Variants in ATP6V1C2 observed in about 807,000 individuals in gnomAD.
ATP6V1C2 encodes the protein ATPase H+ transporting V1 subunit C2, also known as V-type proton ATPase subunit C 2.
In ATP6V1C2, 45 loss-of-function variants were observed where a neutral mutation model predicts 56.8. The observed-to-expected ratio is 0.79, with a 90% CI of 0.62 to 1.02. The LOEUF (loss-of-function observed/expected upper bound fraction) is 1.02, where lower values mean the gene tolerates loss of function less well. ATP6V1C2 is among the 50% of genes least tolerant of loss of function. The probability of loss-of-function intolerance (pLI) is 0.00; values close to 1 mark genes in which losing one functional copy is unlikely to be tolerated. For missense variants in ATP6V1C2, 463 were observed against 519.7 expected (o/e 0.89, Z 1.06); for synonymous variants, 220 against 201.3 (o/e 1.09, Z -0.79).
intron 3 of ATP6V1C2, among the ~76,000 whole-genome samples, chr2:10,743,128 G>GT (rs1164784614): frequency 1.3e-5 from 2 of 152,124 alleles, no homozygotes; most frequent in East Asian, 3.9e-4. Flanking sequence ...TTGACTTTTT[G>GT]TTTTTTGAAA....
chr2:10,751,988 G>A (rs1181703884), intron 3 of ATP6V1C2, among the ~76,000 whole-genome samples: 1 of 151,910 alleles, frequency 6.6e-6, no homozygotes, highest in Non-Finnish European at 1.5e-5. Flanking sequence ...GAGTCTGGGA[G>A]GTCAAGGCTG....
intron 5 of ATP6V1C2, among the ~76,000 whole-genome samples, chr2:10,764,973 C>T (rs916656481): frequency 1.6e-5 from 2 of 124,820 alleles, no homozygotes; most frequent in East Asian, 3.2e-4. Context: ...TCCGTCCCCC[C>T]ACCAAAAAAA....
intron 3 of ATP6V1C2, among the ~76,000 whole-genome samples, chr2:10,745,795 T>A (rs1161566952): frequency 6.6e-6 from 1 of 152,208 alleles, no homozygotes; most frequent in Non-Finnish European, 1.5e-5. Context: ...CCCCAGGCCC[T>A]GGCAACTACC....
At chr2:10,768,951 C>CCAAGAGGCT in intron 6 of ATP6V1C2, 141 bp downstream of exon 6, 1 of 684,606 alleles carries the variant, frequency 1.5e-6, no homozygotes, top group Non-Finnish European at 2.5e-6. Flanking sequence ...GGCACTCTCA[C>CCAAGAGGCT]CTCTCCAAGA....
At chr2:10,777,835 AG>A in intron 11 of ATP6V1C2, 113 bp downstream of exon 11, 1 of 1,356,462 alleles carries the variant, frequency 7.4e-7, no homozygotes, top group East Asian at 2.4e-5. Context: ...ATGGCTTTTG[AG>A]GTCTTAAATT....
At position 10,763,615 on chromosome 2, in the gene ATP6V1C2, C is replaced by T. The variant is rs1664051731; in HGVS notation, c.284-716C>T. Among the ~76,000 whole-genome samples the T allele has an allele frequency of 6.6e-6, 1 of 152,168 alleles. No homozygotes were observed. Among genetic ancestry groups the T allele is most frequent in the Non-Finnish European group, 1.5e-5 (1 of 68,026 alleles). On this transcript the variant is annotated intron_variant, in intron 4 of 13. Transcript: ENST00000272238. This position sits in a 1 kb window ranked among gnomAD's most constrained non-coding sequence, Gnocchi z 4.2. ...CCAGGGGCACAGGAATTCCAGGGGCCACCGTGGCGCTGCAGCTTCCAGGGA... is the reference window on the plus strand; with the variant it reads ...CCAGGGGCACAGGAATTCCAGGGGCTACCGTGGCGCTGCAGCTTCCAGGGA...
chr2:10,781,200 C>A (rs898140257), intron 12 of ATP6V1C2, among the ~76,000 whole-genome samples: 5 of 152,120 alleles, frequency 3.3e-5, no homozygotes, highest in African/African-American at 1.2e-4. Flanking sequence ...CCCACCACAG[C>A]GAGCACAACA....
chr2:10,778,442 ACT>A (rs1285072787), intron 11 of ATP6V1C2, 128 bp from the exon 12 acceptor site: 22 of 807,038 alleles, frequency 2.7e-5, no homozygotes, highest in East Asian at 5.3e-5. Flanking sequence ...GGTCTGACCG[ACT>A]CTCTGCTTCT....
At chr2:10,744,804 G>A (rs1268743634) in intron 3 of ATP6V1C2, among the ~76,000 whole-genome samples, 1 of 150,628 alleles carries the variant, frequency 6.6e-6, no homozygotes, top group African/African-American at 2.4e-5. Flanking sequence ...GAGTAGCTGG[G>A]ACTACAGGCG....
intron 3 of ATP6V1C2, among the ~76,000 whole-genome samples, chr2:10,752,859 CGTG>C: frequency 6.6e-6 from 1 of 151,912 alleles, no homozygotes; most frequent in Non-Finnish European, 1.5e-5. Flanking sequence ...AGCTGGGTGT[CGTG>C]GTGGGCCTCT....
intron 4 of ATP6V1C2, among the ~76,000 whole-genome samples, chr2:10,758,858 G>C (rs780070967): frequency 6.6e-6 from 1 of 152,080 alleles, no homozygotes; most frequent in Admixed American, 6.6e-5. Flanking sequence ...CAGTAGAGAC[G>C]GGGTTTCACC....
intron 1 of ATP6V1C2, among the ~76,000 whole-genome samples, chr2:10,722,103 G>C (rs1406514221): frequency 3.3e-5 from 5 of 152,150 alleles, no homozygotes; most frequent in Admixed American, 2.0e-4. Flanking sequence ...GGAGGCAAGC[G>C]GAAAGGGGGA....
At chr2:10,770,819 A>G (rs778118799) in intron 6 of ATP6V1C2, among the ~76,000 whole-genome samples, 4 of 152,238 alleles carry the variant, frequency 2.6e-5, no homozygotes, top group Non-Finnish European at 4.4e-5. Flanking sequence ...TACACAAACC[A>G]AGTATGCACT....
At chr2:10,746,563 C>G (rs1213427261) in intron 3 of ATP6V1C2, among the ~76,000 whole-genome samples, 1 of 152,044 alleles carries the variant, frequency 6.6e-6, no homozygotes, top group African/African-American at 2.4e-5. Context: ...CAGGCGCCCA[C>G]CAGCACGCCA....
intron 4 of ATP6V1C2, among the ~76,000 whole-genome samples, chr2:10,760,223 G>A (rs899498995): frequency 3.9e-5 from 6 of 151,994 alleles, no homozygotes; most frequent in Non-Finnish European, 8.8e-5. Flanking sequence ...TACAAAAAAT[G>A]GCTGGGTGTG....
Position 10,783,239 on chromosome 2 carries a change from T to C in ATP6V1C2, c.1260T>C (p.His420=), listed in dbSNP as rs747671051. 27 of 1,613,406 alleles carry C rather than the reference T, an allele frequency of 1.7e-5. No homozygotes were observed. In the South Asian group the frequency reaches 2.6e-4, roughly 16 times the overall value. ...NQDYFPYVYF[H]IDLSLLD ...ACTATTTTCCTTATGTCTACTTCCATATTGACCTTAGTCTTCTTGACTAGA... is the reference window on the plus strand; with the variant it reads ...ACTATTTTCCTTATGTCTACTTCCACATTGACCTTAGTCTTCTTGACTAGA... Residue 420 remains histidine (H), a synonymous_variant, in exon 14 of 14, where the codon CAT becomes CAC. Transcript: ENST00000272238.
At chr2:10,726,118 T>G (rs1472862333) in intron 2 of ATP6V1C2, among the ~76,000 whole-genome samples, 1 of 152,084 alleles carries the variant, frequency 6.6e-6, no homozygotes, top group African/African-American at 2.4e-5. Flanking sequence ...TGGGACTGTC[T>G]TGGAGCAGAA....
intron 3 of ATP6V1C2, among the ~76,000 whole-genome samples, chr2:10,741,468 C>G (rs540275754): frequency 1.9e-4 from 29 of 152,138 alleles, no homozygotes; most frequent in Admixed American, 7.2e-4. Flanking sequence ...CTGGGCCTCC[C>G]CTCTCAGGTG....
intron 6 of ATP6V1C2, 125 bp downstream of exon 6, chr2:10,768,935 G>GGT (rs1326626162): frequency 2.7e-6 from 2 of 751,108 alleles, no homozygotes; most frequent in African/African-American, 1.7e-5. Flanking sequence ...CAGACAGACA[G>GGT]GTGGAGGCAC....
Sources: allele counts gnomAD v4.1 joint callset (sites outside exome capture counted in the v4.1 genomes callset), GRCh38; gene constraint gnomAD v4.1.1; non-coding constraint Gnocchi (gnomAD v3.1); transcripts MANE v1.5; gene names NCBI Gene and HGNC (gene_info 2026-07-23, HGNC 2026-07-21).